NLGN4Y: variants seen among roughly 807,000 people sequenced by gnomAD.
NLGN4Y encodes neuroligin-4, Y-linked.
In NLGN4Y, 4 loss-of-function variants were observed where a neutral mutation model predicts 8.4. That is an observed-to-expected ratio of 0.48 (90% confidence interval 0.23 to 1.09). NLGN4Y has a LOEUF of 1.09. Among genes scored for constraint, NLGN4Y ranks in the 50% least tolerant of loss-of-function variants. The pLI is 0.19. For missense variants in NLGN4Y, 90 were observed against 192.3 expected (o/e 0.47, Z 3.15); for synonymous variants, 35 against 75.6 (o/e 0.46, Z 2.78).
At chrY:14,670,961 G>A in intron 2 of NLGN4Y, among the ~76,000 whole-genome samples, 2 of 33,142 alleles carry the variant, frequency 6.0e-5, no homozygotes, top group African/African-American at 2.4e-4. Context: ...TAAATTATTA[G>A]CAATGTTTAG....
intron 4 of NLGN4Y, among the ~76,000 whole-genome samples, chrY:14,823,100 C>T: frequency 1.2e-4 from 4 of 33,477 alleles, no homozygotes; most frequent in African/African-American, 4.6e-4. Flanking sequence ...CAATTGTTCA[C>T]GAAACCTAAT....
intron 3 of NLGN4Y, among the ~76,000 whole-genome samples, chrY:14,721,250 C>T: frequency 3.0e-5 from 1 of 33,320 alleles, no homozygotes. Flanking sequence ...TCTACTTACT[C>T]TTTTTACCAC....
intron 1 of NLGN4Y, among the ~76,000 whole-genome samples, chrY:14,543,779 C>G: frequency 3.0e-5 from 1 of 33,359 alleles, no homozygotes; most frequent in Non-Finnish European, 7.4e-5. Flanking sequence ...GGCAGAGATA[C>G]AGATCTGATG....
At chrY:14,692,365 A>C (rs2150537731) in intron 2 of NLGN4Y, among the ~76,000 whole-genome samples, 1 of 32,793 alleles carries the variant, frequency 3.0e-5, no homozygotes, top group East Asian at 8.1e-4. Flanking sequence ...TTTTATCTCT[A>C]CCCAGTTTTT....
intron 4 of NLGN4Y, among the ~76,000 whole-genome samples, chrY:14,772,564 A>G (rs2081110750): frequency 3.0e-5 from 1 of 33,769 alleles, no homozygotes; most frequent in Admixed American, 2.7e-4. Context: ...TCATTATATG[A>G]GGCCAGCATC....
intron 2 of NLGN4Y, among the ~76,000 whole-genome samples, chrY:14,687,411 G>T: frequency 6.2e-5 from 2 of 32,157 alleles, no homozygotes; most frequent in Non-Finnish European, 1.5e-4. Context: ...CCAAGACTGT[G>T]TCACTTATAA....
intron 1 of NLGN4Y, among the ~76,000 whole-genome samples, chrY:14,597,164 G>T (rs767850538): frequency 3.2e-5 from 1 of 31,455 alleles, no homozygotes; most frequent in South Asian, 8.2e-4. Flanking sequence ...AGCGCGTCTG[G>T]AGTTGTTCGT....
intron 1 of NLGN4Y, among the ~76,000 whole-genome samples, chrY:14,534,768 CGTGTGTGT>C: frequency 5.0e-5 from 1 of 20,147 alleles, no homozygotes; most frequent in East Asian, 1.5e-3. Flanking sequence ...TTTTATCTCT[CGTGTGTGT>C]GTGTGTGTGT....
At position 14,823,322 on chromosome Y, in the gene NLGN4Y, G is replaced by T. The variant is rs371442490; in HGVS notation, c.686-866G>T. 3.0e-4 allele frequency among the ~76,000 whole-genome samples: 10 copies of T among 33,796 alleles called. No individual in the cohort carries two copies. The South Asian group carries it at 6.5e-3, about 22-fold the overall frequency. 90.7% of individuals were successfully genotyped at this position (33,796 alleles called of 37,273 possible). A position where few individuals can be genotyped will look rare whatever the true frequency, so the allele number is the denominator to read the frequency against. ...AGCCCCTCCCTTATGTGACACTGTT[G>T]TTCATAAAAGGCATCAGACTTTGCT... On this transcript the variant is annotated intron_variant, in intron 4 of 6. Transcript: ENST00000684976.
intron 2 of NLGN4Y, among the ~76,000 whole-genome samples, chrY:14,625,991 G>C: frequency 3.0e-5 from 1 of 33,815 alleles, no homozygotes; most frequent in Non-Finnish European, 7.3e-5. Context: ...ACCACTTCCG[G>C]AGTGATTTAC....
intron 6 of NLGN4Y, among the ~76,000 whole-genome samples, chrY:14,839,003 A>G: frequency 3.0e-5 from 1 of 33,229 alleles, no homozygotes; most frequent in Non-Finnish European, 7.4e-5. Flanking sequence ...CAATGACTAG[A>G]CATATGCTCT....
intron 1 of NLGN4Y, among the ~76,000 whole-genome samples, chrY:14,572,098 C>T (rs1370533516): frequency 3.1e-5 from 1 of 32,655 alleles, no homozygotes. Context: ...TTTGGTTCCA[C>T]ATGAACTTTA....
intron 2 of NLGN4Y, among the ~76,000 whole-genome samples, chrY:14,682,784 G>T (rs2080775256): frequency 3.1e-5 from 1 of 32,538 alleles, no homozygotes; most frequent in African/African-American, 1.2e-4. Context: ...GATTGCTTTA[G>T]CCCAGGAGTT....
Position 14,797,303 on chromosome Y carries a change from T to C in NLGN4Y, c.686-26885T>C, listed in dbSNP as rs2150582132. 4.3e-4 allele frequency among the ~76,000 whole-genome samples: 13 copies of C among 30,259 alleles called. No homozygotes were observed. In the East Asian group the frequency reaches 5.0e-3, roughly 12 times the overall value. 81.2% of individuals were successfully genotyped at this position (30,259 alleles called of 37,273 possible). On this transcript the variant is annotated intron_variant, in intron 4 of 6. Coordinates refer to ENST00000684976, the MANE Select transcript of NLGN4Y (RefSeq NM_001365588.1). ...TTGTTTTTGTTTTTTCTTTTCTTTT[T>C]TTTTTTTTTTTAAGGCGGAGTCTTT...
intron 4 of NLGN4Y, among the ~76,000 whole-genome samples, chrY:14,806,960 T>C (rs977899902): frequency 9.0e-5 from 3 of 33,208 alleles, no homozygotes; most frequent in Non-Finnish European, 2.2e-4. Flanking sequence ...AGAAAAGGCA[T>C]CCCAGGTAGT....
At chrY:14,769,801 T>C (rs2081101939) in intron 4 of NLGN4Y, among the ~76,000 whole-genome samples, 1 of 33,245 alleles carries the variant, frequency 3.0e-5, no homozygotes, top group African/African-American at 1.2e-4. Flanking sequence ...ATCCACTGAC[T>C]TGAAATTCTC....
At chrY:14,563,196 T>G (rs2150476636) in intron 1 of NLGN4Y, among the ~76,000 whole-genome samples, 1 of 33,907 alleles carries the variant, frequency 2.9e-5, no homozygotes, top group South Asian at 6.5e-4. Flanking sequence ...TAAGTAGCTT[T>G]AATTATTTAG....
chrY:14,747,424 A>G (rs759920158), intron 4 of NLGN4Y, among the ~76,000 whole-genome samples: 3 of 33,357 alleles, frequency 9.0e-5, no homozygotes, highest in African/African-American at 3.5e-4. Context: ...CATGAATGGA[A>G]GTTCCCTTAG....
At chrY:14,576,648 C>G (rs896706747) in intron 1 of NLGN4Y, among the ~76,000 whole-genome samples, 2 of 33,627 alleles carry the variant, frequency 5.9e-5, no homozygotes, top group Non-Finnish European at 1.5e-4. Context: ...ATGCAGTAAT[C>G]ACCCATGTTC....
Sources: allele counts gnomAD v4.1 joint callset (sites outside exome capture counted in the v4.1 genomes callset), GRCh38; gene constraint gnomAD v4.1.1; transcripts MANE v1.5; gene names NCBI Gene and HGNC (gene_info 2026-07-23, HGNC 2026-07-21).